KCNAB1: variants seen among roughly 807,000 people sequenced by gnomAD.
KCNAB1 encodes the protein potassium voltage-gated channel subfamily A regulatory beta subunit 1.
KCNAB1 carries 35 observed loss-of-function variants against 64.6 expected under a neutral mutation model. The observed-to-expected ratio is 0.54, with a 90% CI of 0.41 to 0.72. The LOEUF is 0.72. KCNAB1 is among the 30% of genes least tolerant of loss of function. The pLI is 0.00. For missense variants in KCNAB1, 401 were observed against 512.9 expected, an observed-to-expected ratio of 0.78 and a Z score of 2.11; for synonymous variants, 177 against 183.8, an observed-to-expected ratio of 0.96 and a Z score of 0.30.
At chr3:156,462,433 G>A (rs75100647) in intron 5 of KCNAB1, among the ~76,000 whole-genome samples, 2,568 of 152,280 alleles carry the variant, frequency 0.017, 95 homozygotes, top group African/African-American at 0.059. Context: ...GTGGCAGATT[G>A]CTATTATAAT....
At chr3:156,457,627 T>C (rs752800800) in intron 4 of KCNAB1, 95 bp downstream of exon 4, 44 of 1,093,520 alleles carry the variant, frequency 4.0e-5, no homozygotes, top group Non-Finnish European at 6.0e-5. Flanking sequence ...AAAGGTTCTG[T>C]CCTTTCTCCA....
intron 1 of KCNAB1, among the ~76,000 whole-genome samples, chr3:156,219,953 T>G (rs890173702): frequency 2.6e-5 from 4 of 151,168 alleles, no homozygotes; most frequent in African/African-American, 9.7e-5. Context: ...CACCTGTGAG[T>G]GAGAACATGC....
chr3:156,160,813 C>CGT (rs752939626), intron 1 of KCNAB1, among the ~76,000 whole-genome samples: 60 of 152,266 alleles, frequency 3.9e-4, no homozygotes, highest in Non-Finnish European at 6.5e-4. Context: ...TTCTGGCTTT[C>CGT]ATTTTCACAC....
At chr3:156,375,303 G>A (rs1362553063) in intron 1 of KCNAB1, among the ~76,000 whole-genome samples, 2 of 134,712 alleles carry the variant, frequency 1.5e-5, no homozygotes, top group Non-Finnish European at 3.1e-5. Context: ...AGTTTATGAA[G>A]CTCATCCCTA....
At chr3:156,119,438 C>G (rs1398747201), upstream of KCNAB1, among the ~76,000 whole-genome samples, 1 of 152,198 alleles carries the variant, frequency 6.6e-6, no homozygotes, top group Non-Finnish European at 1.5e-5. Flanking sequence ...CTGCACTTTC[C>G]TATCTCTTTA....
intron 1 of KCNAB1, among the ~76,000 whole-genome samples, chr3:156,335,580 A>G (rs1292385886): frequency 6.6e-6 from 1 of 152,222 alleles, no homozygotes; most frequent in Non-Finnish European, 1.5e-5. Flanking sequence ...TAATCCATCA[A>G]TATCCAGACA....
intron 11 of KCNAB1, among the ~76,000 whole-genome samples, chr3:156,522,009 G>T (rs1310591908): frequency 1.6e-5 from 2 of 121,892 alleles, no homozygotes; most frequent in Non-Finnish European, 3.8e-5. Flanking sequence ...GTATGTGTGT[G>T]TCACACACAT....
chr3:156,212,603 G>A (rs1401687986), intron 1 of KCNAB1, among the ~76,000 whole-genome samples: 1 of 152,178 alleles, frequency 6.6e-6, no homozygotes, highest in Non-Finnish European at 1.5e-5. Flanking sequence ...CCACTACCAG[G>A]TGGCAAAGGA....
At chr3:156,147,713 A>C (rs1178639452) in intron 1 of KCNAB1, among the ~76,000 whole-genome samples, 1 of 152,114 alleles carries the variant, frequency 6.6e-6, no homozygotes, top group Non-Finnish European at 1.5e-5. Flanking sequence ...AAACTCTTGG[A>C]ATTCTTAACT....
chr3:156,354,436 C>T (rs967270973), intron 1 of KCNAB1, among the ~76,000 whole-genome samples: 1 of 151,874 alleles, frequency 6.6e-6, no homozygotes, highest in Admixed American at 6.6e-5. Flanking sequence ...GCTGGGATTA[C>T]AGGCATGAGC....
intron 1 of KCNAB1, among the ~76,000 whole-genome samples, chr3:156,397,011 A>G (rs1459547248): frequency 2.6e-5 from 4 of 152,252 alleles, no homozygotes; most frequent in African/African-American, 7.2e-5. Flanking sequence ...ATTGATGTGT[A>G]CATGTAAAAA....
At chr3:156,299,891 A>C (rs980149589) in intron 1 of KCNAB1, among the ~76,000 whole-genome samples, 7 of 152,292 alleles carry the variant, frequency 4.6e-5, no homozygotes, top group African/African-American at 1.4e-4. Context: ...TCATGAAAAA[A>C]TTTGGCTCTT....
intron 11 of KCNAB1, 199 bp from the exon 12 acceptor site, chr3:156,523,628 C>T (rs1718101087): frequency 1.8e-6 from 1 of 551,270 alleles, no homozygotes; most frequent in Non-Finnish European, 3.2e-6. Flanking sequence ...TAGTCAAAAT[C>T]AATCTGTTTT....
At chr3:156,241,261 C>T (rs1355047248) in intron 1 of KCNAB1, among the ~76,000 whole-genome samples, 1 of 152,132 alleles carries the variant, frequency 6.6e-6, no homozygotes, top group East Asian at 1.9e-4. Context: ...TTAAACTTTC[C>T]TTAGTGTTCT....
intron 1 of KCNAB1, among the ~76,000 whole-genome samples, chr3:156,218,700 A>G (rs1313135958): frequency 6.6e-6 from 1 of 151,766 alleles, no homozygotes; most frequent in African/African-American, 2.4e-5. Context: ...ACCTGAAGAC[A>G]GATCACATCA....
intron 8 of KCNAB1, among the ~76,000 whole-genome samples, chr3:156,512,302 A>G (rs1357055217): frequency 6.6e-6 from 1 of 152,256 alleles, no homozygotes; most frequent in East Asian, 1.9e-4. Flanking sequence ...ATGTGCAGGA[A>G]GAGTCACAAC....
rs1234669204 is a variant in KCNAB1, at chr3:156,537,309, A to G, written c.*562A>G. 2.0e-5 allele frequency: 7 copies of G among 353,392 alleles called. No homozygotes were observed. The highest frequency in any genetic ancestry group is 3.5e-5 in the Non-Finnish European group (7 of 200,160). 21.9% of individuals were successfully genotyped at this position (353,392 alleles called of 1,614,324 possible). On this transcript the variant is annotated 3_prime_UTR_variant, in exon 14 of 14. Transcript: ENST00000490337. ...AGAATAAGCAGAAATAATTTTATAT[A>G]TTTTTTTTCTATTTTCACATTCATA...
intron 1 of KCNAB1, among the ~76,000 whole-genome samples, chr3:156,415,451 CCT>C (rs1714984224): frequency 6.6e-6 from 1 of 152,108 alleles, no homozygotes; most frequent in African/African-American, 2.4e-5. Flanking sequence ...CTACACCTTT[CCT>C]CTCCTTGGCC....
intron 1 of KCNAB1, among the ~76,000 whole-genome samples, chr3:156,299,614 A>C (rs79111162): frequency 0.01 from 1,566 of 152,328 alleles, 86 homozygotes; most frequent in East Asian, 0.087. Context: ...ATTACTTTGA[A>C]AGCTTGCTCC....
Sources: allele counts gnomAD v4.1 joint callset (sites outside exome capture counted in the v4.1 genomes callset), GRCh38; gene constraint gnomAD v4.1.1; transcripts MANE v1.5; gene names NCBI Gene and HGNC (gene_info 2026-07-23, HGNC 2026-07-21).